MTOR: variants seen among roughly 807,000 people sequenced by gnomAD.
MTOR encodes mechanistic target of rapamycin kinase, also known as serine/threonine-protein kinase mTOR.
In MTOR, 70 loss-of-function variants were observed where a neutral mutation model predicts 319.8. That is an observed-to-expected ratio of 0.22 (90% CI 0.18 to 0.27). The LOEUF is 0.27. Ranked by LOEUF, MTOR falls within the 10% of genes least tolerant of loss-of-function variation. The pLI, the probability that MTOR is intolerant of heterozygous loss-of-function variation, is 1.00. For synonymous variants in MTOR, 1,183 were observed against 1,211.4 expected, an observed-to-expected ratio of 0.98 and a Z score of 0.49; for missense variants, 1,890 against 3,274.4, an observed-to-expected ratio of 0.58 and a Z score of 10.32.
At chr1:11,217,371 AT>A (rs550941671) in intron 19 of MTOR, among the ~76,000 whole-genome samples, 2 of 152,066 alleles carry the variant, frequency 1.3e-5, no homozygotes, top group African/African-American at 4.8e-5. Context: ...TAAGTAGCAA[AT>A]AATATTTGAC....
chr1:11,238,929 A>AT (rs35499063), intron 11 of MTOR, among the ~76,000 whole-genome samples: 75,832 of 139,404 alleles, frequency 0.54, 23,582 homozygotes, highest in East Asian at 0.77. Flanking sequence ...CGCCTGGCTA[A>AT]TTTTTTTTTT....
Position 11,130,750 on chromosome 1 carries a change from A to C in MTOR, c.5392T>G (p.Phe1798Val). Reference protein sequence around the residue: ...KAWHAWAVMNFEAVLHYKHQN... With the variant: ...KAWHAWAVMNVEAVLHYKHQN... ...TGTTTGTAGTGTAGCACAGCTTCGA[A>C]GTTCATCACTGCCCACGCATGCCAG... Residue 1798 changes from phenylalanine to valine, a missense_variant, in exon 39 of 58, where the codon TTC becomes GTC. By Grantham distance (50) the Phe-to-Val change is conservative (BLOSUM62 -1). Around this residue, in one of 15 missense-constraint regions of MTOR, gnomAD observed 276 missense variants for 459.4 expected, o/e 0.60. Transcript: ENST00000361445. The C allele has an allele frequency of 1.9e-6, 3 of 1,579,458 alleles. No individual in the cohort carries two copies. The highest frequency in any genetic ancestry group is 2.6e-6 in the Non-Finnish European group (3 of 1,161,934).
At chr1:11,230,237 A>G (rs1426674025) in intron 18 of MTOR, among the ~76,000 whole-genome samples, 1 of 152,142 alleles carries the variant, frequency 6.6e-6, no homozygotes, top group African/African-American at 2.4e-5. Flanking sequence ...CCAGGCCAAC[A>G]TGGCAAAACC....
At position 11,130,769 on chromosome 1, in the gene MTOR, A is replaced by G. The variant is rs1643108062; in HGVS notation, c.5373T>C (p.His1791=). The change falls in exon 39 of 58, where the codon CAT becomes CAC. Residue 1791 remains histidine, a synonymous_variant. Coordinates refer to ENST00000361445, the MANE Select transcript of MTOR (RefSeq NM_004958.4). The part of the protein sequence containing the change: ...EHDRSWYKAW[H]AWAVMNFEAV... ...CTTCGAAGTTCATCACTGCCCACGCATGCCAGGCCTGGTTGGGGAGAAAGG... is the reference window on the plus strand; with the variant it reads ...CTTCGAAGTTCATCACTGCCCACGCGTGCCAGGCCTGGTTGGGGAGAAAGG... 2.6e-6 allele frequency: 4 copies of G among 1,567,232 alleles called. No homozygotes were observed. Among genetic ancestry groups the G allele is most frequent in the East Asian group, 2.3e-5 (1 of 42,948 alleles).
intron 4 of MTOR, 179 bp from the exon 5 acceptor site, chr1:11,256,371 G>T: frequency 1.0e-6 from 1 of 953,562 alleles, no homozygotes; most frequent in Non-Finnish European, 1.2e-6. Context: ...ACATCTCAGT[G>T]CTCATTATCC....
chr1:11,251,128 C>T (rs1649611320), intron 6 of MTOR, among the ~76,000 whole-genome samples: 2 of 150,220 alleles, frequency 1.3e-5, no homozygotes, highest in Non-Finnish European at 3.0e-5. Flanking sequence ...CTTATAGCTT[C>T]CCGCTTCCCA....
intron 19 of MTOR, among the ~76,000 whole-genome samples, chr1:11,227,126 T>A (rs1009775527): frequency 6.6e-6 from 1 of 151,080 alleles, no homozygotes; most frequent in African/African-American, 2.4e-5. Context: ...GGCGAAACCC[T>A]GTCTCTACTA....
intron 38 of MTOR, chr1:11,131,404 G>C (rs1177943641): frequency 6.5e-6 from 1 of 154,560 alleles, no homozygotes; most frequent in Admixed American, 6.4e-5. Flanking sequence ...AGCTGCACTG[G>C]GTATAAAGTG....
rs1369812178 is a variant in MTOR, at chr1:11,133,330, C to T, written c.5247-133G>A. On this transcript the variant is annotated intron_variant, in intron 37 of 57. Coordinates refer to ENST00000361445, the MANE Select transcript of MTOR (RefSeq NM_004958.4). This position sits in a 1 kb window ranked among gnomAD's most constrained non-coding sequence, Gnocchi z 4.0. ...ATTCTCAAGAGGCAATGTGAAGGAG[C>T]TAGCAAAATTTTCAGCCACACGCAA... 1.3e-6 allele frequency: 1 copy of T among 773,582 alleles called. No individual in the cohort carries two copies. Among genetic ancestry groups the T allele is most frequent in the African/African-American group, 1.7e-5 (1 of 57,892 alleles). The allele number at this position is 773,582 out of a possible 1,614,324, so 47.9% of individuals were successfully genotyped here.
At chr1:11,156,519 AC>A (rs962526325) in intron 30 of MTOR, among the ~76,000 whole-genome samples, 11 of 151,760 alleles carry the variant, frequency 7.2e-5, no homozygotes, top group African/African-American at 2.4e-4. Context: ...CTTCTCCTTT[AC>A]CTATCTCCTA....
chr1:11,210,424 C>T (rs757718104), intron 24 of MTOR, among the ~76,000 whole-genome samples: 14 of 152,188 alleles, frequency 9.2e-5, no homozygotes, highest in African/African-American at 3.4e-4. Context: ...CGGGAGCCAC[C>T]GCACCCAGCC....
At chr1:11,151,824 A>G (rs1034976610) in intron 30 of MTOR, among the ~76,000 whole-genome samples, 3 of 152,228 alleles carry the variant, frequency 2.0e-5, no homozygotes, top group Non-Finnish European at 4.4e-5. Flanking sequence ...GGATGAATGC[A>G]TCCTTCATGC....
rs1395642010 is a variant in MTOR at position 11,238,611 on chromosome 1, G to A, written c.1793C>T (p.Ser598Phe). 6.2e-7 allele frequency: 1 copy of A among 1,609,880 alleles called. No individual in the cohort carries two copies. Among genetic ancestry groups the A allele is most frequent in the South Asian group, 1.1e-5 (1 of 90,892 alleles). The change falls in exon 12 of 58, where the codon TCT becomes TTT. Residue 598 changes from serine (S) to phenylalanine (F), a missense_variant. By Grantham distance (155) the Ser-to-Phe change is radical (BLOSUM62 -2). Around this residue, in one of 15 missense-constraint regions of MTOR, gnomAD observed 418 missense variants for 543.1 expected, o/e 0.77. Coordinates refer to ENST00000361445, the MANE Select transcript of MTOR (RefSeq NM_004958.4). ...TLGSFEFEGHSLTQFVRHCAD... is the reference protein window; with the variant it reads ...TLGSFEFEGHFLTQFVRHCAD... ...ACAGTGGCGAACAAATTGGGTCAGAGAGTGGCCTGGATAGAAAGGCAGAGA... is the reference window on the plus strand; with the variant it reads ...ACAGTGGCGAACAAATTGGGTCAGAAAGTGGCCTGGATAGAAAGGCAGAGA...
chr1:11,222,460 G>A (rs1001401103), intron 19 of MTOR, among the ~76,000 whole-genome samples: 1 of 152,142 alleles, frequency 6.6e-6, no homozygotes, highest in Non-Finnish European at 1.5e-5. Flanking sequence ...GCCTCCCAAA[G>A]TGCTGGGATT....
At position 11,214,839 on chromosome 1, in the gene MTOR, C is replaced by T. The variant is rs1569590156; in HGVS notation, c.3118-1273G>A. On this transcript the variant is annotated intron_variant, in intron 20 of 57. Coordinates refer to ENST00000361445, the MANE Select transcript of MTOR (RefSeq NM_004958.4). The stretch of plus-strand genomic sequence containing the variant: ...CTGATGTTCATCCACTTGAACCCTA[C>T]TCTGCCTTCTTTAGAGAAGGCCAAC... Among the ~76,000 whole-genome samples, 4 of 152,194 alleles carry T rather than the reference C, an allele frequency of 2.6e-5. No homozygotes were observed. In the South Asian group the frequency reaches 8.3e-4, roughly 32 times the overall value.
intron 28 of MTOR, among the ~76,000 whole-genome samples, chr1:11,185,909 G>A (rs1365103015): frequency 1.3e-5 from 2 of 151,726 alleles, no homozygotes; most frequent in Non-Finnish European, 2.9e-5. Flanking sequence ...GTGAAACCCT[G>A]CCTGTACTAA....
intron 46 of MTOR, among the ~76,000 whole-genome samples, chr1:11,125,817 TG>T (rs1281417445): frequency 6.7e-6 from 1 of 148,204 alleles, no homozygotes; most frequent in Non-Finnish European, 1.5e-5. Context: ...TGAGACAGGC[TG>T]ATCACTTGAG....
At chr1:11,108,363 G>C in intron 56 of MTOR, 77 bp from the exon 57 acceptor site, 1 of 1,120,092 alleles carries the variant, frequency 8.9e-7, no homozygotes, top group South Asian at 1.3e-5. Flanking sequence ...GGGCTTAACT[G>C]TCTATGCCAA....
intron 28 of MTOR, chr1:11,190,071 C>T: frequency 7.9e-7 from 1 of 1,263,564 alleles, no homozygotes; most frequent in Non-Finnish European, 1.1e-6. Context: ...TACACTTTCC[C>T]TTTAGTAAAG....
Sources: allele counts gnomAD v4.1 joint callset (sites outside exome capture counted in the v4.1 genomes callset), GRCh38; gene constraint gnomAD v4.1.1; regional missense constraint gnomAD v4.1.1; non-coding constraint Gnocchi (gnomAD v3.1); transcripts MANE v1.5; gene names NCBI Gene and HGNC (gene_info 2026-07-23, HGNC 2026-07-21).